SMC1A: variants seen among roughly 807,000 people sequenced by gnomAD.
SMC1A encodes structural maintenance of chromosomes 1A.
In SMC1A, 4 loss-of-function variants were observed where a neutral mutation model predicts 94.5. The ratio of observed to expected loss-of-function variants is 0.04; its 90% CI spans 0.02 to 0.10. SMC1A has a LOEUF of 0.10. Among genes scored for constraint, SMC1A ranks in the 10% least tolerant of loss-of-function variants. SMC1A has a pLI of 1.00. For missense variants in SMC1A, 304 were observed against 989.0 expected (o/e 0.31, Z 9.29); for synonymous variants, 345 against 347.7 (o/e 0.99, Z 0.09).
chrX:53,375,643 G>A lies in SMC1A; in HGVS notation c.*4460C>T, dbSNP rs1474509468. 2 of 110,610 alleles carry A rather than the reference G, an allele frequency of 1.8e-5. No individual in the cohort carries two copies. Among genetic ancestry groups the A allele is most frequent in the Non-Finnish European group, 3.8e-5 (2 of 52,837 alleles). The allele number at this position is 110,610 out of a possible 1,213,427, so 9.1% of individuals were successfully genotyped here. A position where few individuals can be genotyped will look rare whatever the true frequency, so the allele number is the denominator to read the frequency against. On this transcript the variant is annotated 3_prime_UTR_variant, in exon 25 of 25. Transcript: ENST00000322213. ...CTTGTGGAGGGGTGGGGAGTGGGGG[G>A]GCAGTGAGAGACCACACAGCACACA...
At chrX:53,397,907 C>T (rs1259073680) in intron 16 of SMC1A, among the ~76,000 whole-genome samples, 1 of 110,743 alleles carries the variant, frequency 9.0e-6, no homozygotes, top group South Asian at 3.8e-4. Flanking sequence ...GACACCAGGC[C>T]GGGCGTGGTG....
intron 19 of SMC1A, among the ~76,000 whole-genome samples, chrX:53,391,143 G>A (rs1855384873): frequency 9.2e-6 from 1 of 108,391 alleles, no homozygotes; most frequent in Admixed American, 9.9e-5. Context: ...GCAGAACCCC[G>A]TCTCTACTAA....
Position 53,412,051 on chromosome X carries a change from G to A in SMC1A, c.1057C>T (p.Arg353Trp), listed in dbSNP as rs781862992. ...TGACTCTGACTCTCTTCTTCCATCC[G>A]TTCTTCAAACTCCTGCCGAGCCTTC... is the stretch of plus-strand genomic sequence containing the variant. ...VEKARQEFEERMEEESQSQGR... is the reference protein window; with the variant it reads ...VEKARQEFEEWMEEESQSQGR... Residue 353 changes from arginine to tryptophan, a missense_variant, in exon 6 of 25, where the codon CGG (arginine) becomes TGG (tryptophan). Arg to Trp is a moderately radical substitution (Grantham distance 101). Around this residue, in one of 11 missense-constraint regions of SMC1A, gnomAD observed 120 missense variants for 314.9 expected, o/e 0.38. Coordinates refer to ENST00000322213, the MANE Select transcript of SMC1A (RefSeq NM_006306.4). The A allele has an allele frequency of 7.4e-6, 9 of 1,209,063 alleles. No homozygotes were observed. The East Asian group carries it at 1.2e-4, about 16-fold the overall frequency.
In SMC1A at chrX:53,415,063, C is replaced by T. The variant is rs2075726857; in HGVS notation, c.216G>A (p.Lys72=). Residue 72 remains lysine (K), a synonymous_variant, in exon 2 of 25, where the codon AAG becomes AAA. Transcript: ENST00000322213. The part of the protein sequence containing the change: ...RDLIHGAPVG[K]PAANRAFVSM... ...TGACAAAGGCCCGGTTGGCAGCTGG[C>T]TTGCCCACAGGAGCTCCATGGATCA... 1 of 1,209,276 alleles carries T rather than the reference C, an allele frequency of 8.3e-7. No individual in the cohort carries two copies. Among genetic ancestry groups the T allele is most frequent in the Non-Finnish European group, 1.1e-6 (1 of 894,989 alleles).
intron 9 of SMC1A, 118 bp downstream of exon 9, chrX:53,408,944 C>A: frequency 1.5e-6 from 1 of 685,613 alleles, no homozygotes; most frequent in Non-Finnish European, 2.3e-6. Context: ...CCTCTCCGAG[C>A]CTCATTTCCC....
chrX:53,409,370 G>T, intron 8 of SMC1A, 51 bp downstream of exon 8: 1 of 1,156,135 alleles, frequency 8.6e-7, no homozygotes, highest in Non-Finnish European at 1.2e-6. Context: ...ATGTAGGTAG[G>T]GTCACAAGAA....
chrX:53,410,944 A>AAAAAAAAAAAAAAAAAAAAAAAAC (rs2075709874), intron 7 of SMC1A, among the ~76,000 whole-genome samples: 1 of 96,134 alleles, frequency 1.0e-5, no homozygotes, highest in Non-Finnish European at 2.1e-5. Context: ...AAAAAAAAAA[A>AAAAAAAAAAAAAAAAAAAAAAAAC]AGTAGCCAGG....
At chrX:53,400,959 C>T (rs1042058184) in intron 15 of SMC1A, among the ~76,000 whole-genome samples, 12 of 111,818 alleles carry the variant, frequency 1.1e-4, no homozygotes, top group African/African-American at 3.9e-4. Context: ...CTCCACCACT[C>T]CCCACCTTCT....
At position 53,383,185 on chromosome X, in the gene SMC1A, C is replaced by T. The variant is rs781838696; in HGVS notation, c.3042G>A (p.Gln1014=). ...GGGCGGCAATACGCTGAAGCACACT[C>T]TGCTGCTCATTCAGCTTCTGCTGCA... ...NTLQQKLNEQ[Q]SVLQRIAAPN... is the part of the protein sequence containing the mutation. Residue 1014 remains glutamine, a synonymous_variant, in exon 20 of 25, where the codon CAG becomes CAA. Coordinates refer to ENST00000322213, the MANE Select transcript of SMC1A (RefSeq NM_006306.4). 1 of 1,198,798 alleles carries T rather than the reference C, an allele frequency of 8.3e-7. No homozygotes were observed. Among genetic ancestry groups the T allele is most frequent in the South Asian group, 1.8e-5 (1 of 55,267 alleles).
intron 1 of SMC1A, chrX:53,422,037 T>C (rs1357847308): frequency 3.3e-6 from 4 of 1,207,686 alleles, no homozygotes; most frequent in Non-Finnish European, 4.5e-6. Flanking sequence ...GAGAGGACGC[T>C]GGGCTGAAAC....
intron 19 of SMC1A, among the ~76,000 whole-genome samples, chrX:53,384,349 C>T (rs28550046): frequency 9.2e-6 from 1 of 108,570 alleles, no homozygotes; most frequent in Non-Finnish European, 1.9e-5. Context: ...TTGCAAGCTC[C>T]ACTTCCCAGG....
Position 53,396,581 on chromosome X carries a change from T to C in SMC1A, c.2599A>G (p.Met867Val). ...TTCTTCAGGTCTTGTAGCTGAGCCA[T>C]GGTCTCATCTATGATCTTCATGTGT... ...QRHMKIIDET[M>V]AQLQDLKNQH... Residue 867 changes from methionine to valine, a missense_variant, in exon 17 of 25, where the codon ATG (methionine) becomes GTG (valine). Transcript: ENST00000322213. 2 of 1,209,496 alleles carry C rather than the reference T, an allele frequency of 1.7e-6. No homozygotes were observed. The highest frequency in any genetic ancestry group is 1.1e-6 in the Non-Finnish European group (1 of 894,461).
chrX:53,398,888 TAC>T (rs782774709), intron 16 of SMC1A, among the ~76,000 whole-genome samples: 1 of 111,620 alleles, frequency 9.0e-6, no homozygotes, highest in East Asian at 2.8e-4. Flanking sequence ...ACTACTGAGT[TAC>T]AGAGTATAAA....
At chrX:53,390,976 AAAAAAAAAAAAAAAAAAAAAAGAAAAAG>A (rs1556887171) in intron 19 of SMC1A, among the ~76,000 whole-genome samples, 1 of 91,343 alleles carries the variant, frequency 1.1e-5, no homozygotes, top group Non-Finnish European at 2.1e-5. Context: ...TCCGTCTCAA[AAAAAAAAAAAAAAAAAAAAAAGAAAAAG>A]AAAAAAAAAA....
intron 7 of SMC1A, among the ~76,000 whole-genome samples, chrX:53,411,327 C>G (rs2075712012): frequency 1.8e-5 from 2 of 111,375 alleles, no homozygotes; most frequent in Non-Finnish European, 3.8e-5. Context: ...CGCAGTGGCT[C>G]AAGCCTGTAA....
intron 22 of SMC1A, among the ~76,000 whole-genome samples, chrX:53,381,319 T>C (rs1556885861): frequency 8.9e-6 from 1 of 112,108 alleles, no homozygotes; most frequent in South Asian, 3.7e-4. Context: ...CAAGAAGACA[T>C]GGTCCCCTCA....
intron 9 of SMC1A, among the ~76,000 whole-genome samples, chrX:53,406,950 G>A (rs1190993545): frequency 8.9e-6 from 1 of 111,992 alleles, no homozygotes; most frequent in Non-Finnish European, 1.9e-5. Context: ...TGCCCGCCTC[G>A]GCCTCCCAAA....
chrX:53,399,610 A>G lies in SMC1A; in HGVS notation c.2541T>C (p.Asn847=). Reference sequence around the variant, plus strand: ...TTACCTTTTTGAGCTTTTCTATCTCATTTTCATCTTTTTTCACTGTCTGCT... The same window carrying G: ...TTACCTTTTTGAGCTTTTCTATCTCGTTTTCATCTTTTTTCACTGTCTGCT... The part of the protein sequence containing the change: ...MWEQTVKKDE[N]EIEKLKKEEQ... The change falls in exon 16 of 25, where the codon AAT becomes AAC. Residue 847 remains asparagine (N), a synonymous_variant. Coordinates refer to ENST00000322213, the MANE Select transcript of SMC1A (RefSeq NM_006306.4). 1.7e-6 allele frequency: 2 copies of G among 1,207,848 alleles called. No homozygotes were observed. The highest frequency in any genetic ancestry group is 2.2e-6 in the Non-Finnish European group (2 of 893,398).
chrX:53,385,996 C>T (rs1556886427), intron 19 of SMC1A, among the ~76,000 whole-genome samples: 2 of 111,831 alleles, frequency 1.8e-5, no homozygotes, highest in African/African-American at 6.5e-5. Context: ...GACACTTTAA[C>T]TGAGGGATCA....
Sources: gnomAD v4.1 joint callset for allele counts (sites outside exome capture counted in the v4.1 genomes callset) on GRCh38, gnomAD v4.1.1 for gene constraint, gnomAD v4.1.1 regional missense constraint, MANE v1.5 for transcripts, NCBI Gene and HGNC (gene_info 2026-07-23, HGNC 2026-07-21) for gene names.